The following DCAF8L2 variants were observed in gnomAD, a reference collection of about 807,000 sequenced individuals.
DCAF8L2 encodes the protein DDB1 and CUL4 associated factor 8 like 2.
For synonymous variants in DCAF8L2, 200 were observed against 190.9 expected (o/e 1.05, Z -0.39); for missense variants, 430 against 490.7 (o/e 0.88, Z 1.17).
intron 2 of DCAF8L2, chrX:27,633,673 G>C (rs1928383092): frequency 8.9e-6 from 1 of 111,737 alleles, no homozygotes; most frequent in Admixed American, 9.5e-5. Context: ...AAGAAAACTT[G>C]CTGTTTTTAG....
chrX:27,693,050 AT>A, intron 3 of DCAF8L2, among the ~76,000 whole-genome samples: 1 of 111,242 alleles, frequency 9.0e-6, no homozygotes, highest in South Asian at 3.7e-4. Context: ...CACATTACTG[AT>A]TAATTCGCGT....
At chrX:27,633,147 A>G (rs933868371) in intron 2 of DCAF8L2, 2 of 112,297 alleles carry the variant, frequency 1.8e-5, no homozygotes, top group Admixed American at 1.9e-4. Context: ...AAAATTGCAA[A>G]GTCAGAATTT....
At chrX:27,510,574 T>C in the DCAF8L2 span, among the ~76,000 whole-genome samples, 350 of 108,442 alleles carry the variant, frequency 3.2e-3, 2 homozygotes, top group African/African-American at 0.011. Context: ...TATATATATA[T>C]GTAGCCAAAT....
At chrX:27,588,063 T>C (rs1925947093), upstream of DCAF8L2, among the ~76,000 whole-genome samples, 1 of 105,710 alleles carries the variant, frequency 9.5e-6, no homozygotes, top group Admixed American at 1.0e-4. Flanking sequence ...GCAGGTTTGT[T>C]ACATGGGTAT....
the DCAF8L2 span, among the ~76,000 whole-genome samples, chrX:27,583,667 T>G: frequency 9.0e-6 from 1 of 111,189 alleles, no homozygotes; most frequent in African/African-American, 3.3e-5. Flanking sequence ...CTCCACCTCC[T>G]GTTAGATTAG....
the DCAF8L2 span, among the ~76,000 whole-genome samples, chrX:27,537,604 C>A: frequency 6.0e-3 from 676 of 112,329 alleles, 8 homozygotes; most frequent in African/African-American, 0.021. Flanking sequence ...GATTTACAAA[C>A]TGATTACACC....
At chrX:27,696,270 GAAAGAA>G (rs1182392200) in intron 3 of DCAF8L2, among the ~76,000 whole-genome samples, 4 of 13,465 alleles carry the variant, frequency 3.0e-4, no homozygotes, top group South Asian at 5.0e-3. Flanking sequence ...GAGAGAGAGA[GAAAGAA>G]AGAAAGAAAG....
At chrX:27,615,549 A>ATCTG (rs1927430213) in intron 1 of DCAF8L2, among the ~76,000 whole-genome samples, 1 of 106,947 alleles carries the variant, frequency 9.4e-6, no homozygotes, top group Non-Finnish European at 1.9e-5. Flanking sequence ...CTATCTATCT[A>ATCTG]TCTAATCTAT....
At position 27,656,895 on chromosome X, in the gene DCAF8L2, T is replaced by C. The variant is rs755877929; in HGVS notation, c.-219-20941T>C. On this transcript the variant is annotated intron_variant, in intron 2 of 4. Transcript: ENST00000451261. ...TGGTTAATACTGAGTGCCAACTTGA[T>C]TGGATTGAAGGATACAAAGTATTGA... 2.0e-4 allele frequency among the ~76,000 whole-genome samples: 22 copies of C among 110,936 alleles called. No individual in the cohort carries two copies. The South Asian group carries it at 7.3e-3, about 37-fold the overall frequency.
At chrX:27,552,085 T>C in the DCAF8L2 span, among the ~76,000 whole-genome samples, 2 of 111,838 alleles carry the variant, frequency 1.8e-5, no homozygotes, top group African/African-American at 6.5e-5. Context: ...CCCTGACGAT[T>C]AGTGATGTTG....
chrX:27,661,284 T>G (rs761787497), intron 2 of DCAF8L2, among the ~76,000 whole-genome samples: 1 of 112,240 alleles, frequency 8.9e-6, no homozygotes, highest in African/African-American at 3.2e-5. Context: ...GGCTTTGAGC[T>G]AATCCTGGTT....
intron 2 of DCAF8L2, among the ~76,000 whole-genome samples, chrX:27,639,806 A>G (rs989483605): frequency 2.7e-5 from 3 of 112,105 alleles, no homozygotes; most frequent in African/African-American, 6.5e-5. Flanking sequence ...GGCATTTTTC[A>G]TAGAACTTTT....
chrX:27,471,273 C>A, the DCAF8L2 span, among the ~76,000 whole-genome samples: 1 of 111,918 alleles, frequency 8.9e-6, no homozygotes, highest in Non-Finnish European at 1.9e-5. Flanking sequence ...ACAGTAAATA[C>A]AATACGTGGC....
the DCAF8L2 span, among the ~76,000 whole-genome samples, chrX:27,492,062 G>A: frequency 1.8e-5 from 2 of 112,258 alleles, no homozygotes; most frequent in Admixed American, 9.4e-5. Flanking sequence ...CCTGTTTCCA[G>A]GCACTCTGTT....
chrX:27,742,323 C>T (rs2147338284), intron 4 of DCAF8L2, among the ~76,000 whole-genome samples: 1 of 111,416 alleles, frequency 9.0e-6, no homozygotes, highest in Non-Finnish European at 1.9e-5. Flanking sequence ...AATCCCAGCA[C>T]TTTGGGAGGC....
At chrX:27,709,622 A>G (rs908214101) in intron 3 of DCAF8L2, among the ~76,000 whole-genome samples, 3 of 111,802 alleles carry the variant, frequency 2.7e-5, no homozygotes, top group African/African-American at 9.8e-5. Flanking sequence ...ACTCAATTCT[A>G]TTGTCAGCTG....
At chrX:27,621,569 T>A (rs1008281301) in intron 1 of DCAF8L2, among the ~76,000 whole-genome samples, 1 of 111,178 alleles carries the variant, frequency 9.0e-6, no homozygotes, top group Non-Finnish European at 1.9e-5. Context: ...TCATTAGTAA[T>A]CAACAAAATG....
In DCAF8L2 at chrX:27,748,262, G is replaced by A. The variant is rs1922376629; in HGVS notation, c.1367G>A (p.Gly456Asp). 2.5e-6 allele frequency: 3 copies of A among 1,209,850 alleles called. No individual in the cohort carries two copies. The highest frequency in any genetic ancestry group is 2.2e-5 in the Admixed American group (1 of 45,813). Residue 456 changes from glycine to aspartate, a missense_variant, in exon 5 of 5, where the codon GGT (glycine) becomes GAT (aspartate). By Grantham distance (94) the Gly-to-Asp change is moderately conservative. Coordinates refer to ENST00000451261, the MANE Select transcript of DCAF8L2 (RefSeq NM_001353450.2). ...CTCTTCAACTCCTCTCACAGTGATGGTGCTCAATACAGTAAGAGATTTAAG... is the reference window on the plus strand; with the variant it reads ...CTCTTCAACTCCTCTCACAGTGATGATGCTCAATACAGTAAGAGATTTAAG... ...IYLFNSSHSD[G>D]AQYSKRFKGH...
the DCAF8L2 span, among the ~76,000 whole-genome samples, chrX:27,471,784 G>T: frequency 7.0e-3 from 776 of 111,045 alleles, 7 homozygotes; most frequent in African/African-American, 0.023. Flanking sequence ...GATAGGTCTC[G>T]GCCCATCTTA....
Sources: allele counts gnomAD v4.1 joint callset (sites outside exome capture counted in the v4.1 genomes callset), GRCh38; gene constraint gnomAD v4.1.1; transcripts MANE v1.5; gene names NCBI Gene and HGNC (gene_info 2026-07-23, HGNC 2026-07-21).